The following MAP3K2 variants were observed in gnomAD, a reference collection of about 807,000 sequenced individuals.
The protein encoded by MAP3K2 is mitogen-activated protein kinase kinase kinase 2.
Under a neutral mutation model 80.3 loss-of-function variants are expected in MAP3K2, and 24 were observed. The observed-to-expected ratio is 0.30, with a 90% CI of 0.22 to 0.42. The LOEUF is 0.42. MAP3K2 is among the 10% of genes least tolerant of loss of function. MAP3K2 has a pLI of 1.00. For synonymous variants in MAP3K2, 244 were observed against 253.7 expected (o/e 0.96, Z 0.36); for missense variants, 608 against 750.1 (o/e 0.81, Z 2.21).
At chr2:127,388,022 G>A, upstream of MAP3K2, 4 of 983,346 alleles carry the variant, frequency 4.1e-6, no homozygotes, top group African/African-American at 5.3e-5. Context: ...TCGTGCGCGC[G>A]CACCCCTCCG....
chr2:127,330,375 A>C lies in MAP3K2; in HGVS notation c.378+17T>G, dbSNP rs370062214. 144 of 1,333,150 alleles carry C rather than the reference A, an allele frequency of 1.1e-4. No homozygotes were observed. The African/African-American group carries it at 2.0e-3, about 18-fold the overall frequency. The allele number at this position is 1,333,150 out of a possible 1,614,324, so 82.6% of individuals were successfully genotyped here. ...AAGTCCTATAATTCTTACTGAAAAA[A>C]ATATCCCAAATCATACCTGTGTACT... On this transcript the variant is annotated intron_variant, in intron 6 of 16. Coordinates refer to ENST00000682094, the MANE Select transcript of MAP3K2 (RefSeq NM_001371910.2).
chr2:127,370,675 T>C (rs543484994), intron 1 of MAP3K2, among the ~76,000 whole-genome samples: 16 of 152,306 alleles, frequency 1.1e-4, no homozygotes, highest in African/African-American at 3.6e-4. Flanking sequence ...ACACTAGCCA[T>C]AGAGCTCTAG....
At position 127,317,727 on chromosome 2, in the gene MAP3K2, G is replaced by A. The variant is rs776118544; in HGVS notation, c.1228C>T (p.Leu410=). ...ATTCGCTCATGTAGCAAGTTTTTCA[G>A]CAACTGAATTTCACACTCAAGTGCA... is the stretch of plus-strand genomic sequence containing the variant. ...VNALECEIQL[L]KNLLHERIVQ... Residue 410 remains leucine, a synonymous_variant, in exon 14 of 17, where the codon CTG becomes TTG. Transcript: ENST00000682094. 6.2e-7 allele frequency: 1 copy of A among 1,602,396 alleles called. No homozygotes were observed. The highest frequency in any genetic ancestry group is 2.2e-5 in the East Asian group (1 of 44,644).
At chr2:127,386,023 A>G (rs1158241068) in intron 1 of MAP3K2, among the ~76,000 whole-genome samples, 1 of 152,254 alleles carries the variant, frequency 6.6e-6, no homozygotes, top group Non-Finnish European at 1.5e-5. Context: ...ACCAAACAAC[A>G]AATCAATCTG....
intron 16 of MAP3K2, among the ~76,000 whole-genome samples, chr2:127,308,045 A>T (rs1237579786): frequency 6.6e-6 from 1 of 152,146 alleles, no homozygotes; most frequent in Non-Finnish European, 1.5e-5. Flanking sequence ...TATTCATCTT[A>T]TTATTTTTGT....
At chr2:127,378,520 A>T (rs144477645) in intron 1 of MAP3K2, among the ~76,000 whole-genome samples, 2 of 152,198 alleles carry the variant, frequency 1.3e-5, no homozygotes, top group African/African-American at 4.8e-5. Flanking sequence ...TTGTAACATA[A>T]TTTTTTATGA....
chr2:127,374,396 T>G (rs1687115971), intron 1 of MAP3K2, among the ~76,000 whole-genome samples: 1 of 152,186 alleles, frequency 6.6e-6, no homozygotes, highest in African/African-American at 2.4e-5. Flanking sequence ...CAAGCAGACC[T>G]ACAGGTTATG....
chr2:127,308,242 T>G (rs2104803398), intron 16 of MAP3K2, among the ~76,000 whole-genome samples: 1 of 152,316 alleles, frequency 6.6e-6, no homozygotes, highest in South Asian at 2.1e-4. Context: ...AAAGATTAAA[T>G]GAATTATAAG....
intron 1 of MAP3K2, among the ~76,000 whole-genome samples, chr2:127,358,524 GTTC>G (rs1686831447): frequency 6.6e-6 from 1 of 152,190 alleles, no homozygotes; most frequent in Admixed American, 6.5e-5. Flanking sequence ...GAAGCAAGGT[GTTC>G]TTAAGAAAGT....
rs1410439263 is a variant in MAP3K2, at chr2:127,305,265, T to C, written c.*2314A>G. On this transcript the variant is annotated 3_prime_UTR_variant, in exon 17 of 17. Coordinates refer to ENST00000682094, the MANE Select transcript of MAP3K2 (RefSeq NM_001371910.2). The stretch of plus-strand genomic sequence containing the variant: ...GTCAAGGACCATGATCTTGCTCAAG[T>C]AGAAAAGATGCCCTCATTCATAAAA... 3 of 152,490 alleles carry C rather than the reference T, an allele frequency of 2.0e-5. No individual in the cohort carries two copies. The highest frequency in any genetic ancestry group is 2.4e-5 in the African/African-American group (1 of 41,420). The allele number at this position is 152,490 out of a possible 1,614,324, so 9.4% of individuals were successfully genotyped here.
rs551228158 is a variant in MAP3K2, at chr2:127,350,218, A to G, written c.-65-7024T>C. Among the ~76,000 whole-genome samples, 34 of 152,256 alleles carry G rather than the reference A, an allele frequency of 2.2e-4. No homozygotes were observed. The South Asian group carries it at 7.0e-3, about 32-fold the overall frequency. On this transcript the variant is annotated intron_variant, in intron 1 of 16. Transcript: ENST00000682094. The stretch of plus-strand genomic sequence containing the variant: ...TTATGGGGACATGTCAGAAGGCCAC[A>G]GGCACAACTTGAAGGGGATTCCACT...
chr2:127,358,092 C>T (rs1360351037), intron 1 of MAP3K2, among the ~76,000 whole-genome samples: 6 of 152,032 alleles, frequency 3.9e-5, no homozygotes, highest in African/African-American at 1.4e-4. Context: ...ATATTTGTAT[C>T]CAGAATATCT....
rs34727603 is a variant in MAP3K2, at chr2:127,333,131, CAAAAAAA to C, written c.265-2633_265-2627del. 5.6e-5 allele frequency among the ~76,000 whole-genome samples: 6 copies of C among 107,284 alleles called. No homozygotes were observed. The East Asian group carries it at 2.0e-3, about 35-fold the overall frequency. The allele number at this position is 107,284 out of a possible 152,430, so 70.4% of individuals were successfully genotyped here. On this transcript the variant is annotated intron_variant, in intron 5 of 16. Transcript: ENST00000682094. ...TGGGTGACAGCGGGAGATGCTGTCT[CAAAAAAA>C]AAAAAAAAAAATTCCTGCTCTACTC...
intron 1 of MAP3K2, among the ~76,000 whole-genome samples, chr2:127,343,964 T>C (rs111301946): frequency 1.4e-4 from 21 of 152,098 alleles, no homozygotes; most frequent in African/African-American, 4.1e-4. Context: ...GAGGTTGCAG[T>C]GAGCTGTGGC....
chr2:127,322,138 G>A lies in MAP3K2; in HGVS notation c.953C>T (p.Thr318Ile). The A allele has an allele frequency of 6.2e-7, 1 of 1,613,780 alleles. No homozygotes were observed. The highest frequency in any genetic ancestry group is 8.5e-7 in the Non-Finnish European group (1 of 1,179,752). The change falls in exon 12 of 17, where the codon ACC becomes ATC. Residue 318 changes from threonine to isoleucine, a missense_variant. Coordinates refer to ENST00000682094, the MANE Select transcript of MAP3K2 (RefSeq NM_001371910.2). This position sits in a 1 kb window ranked among gnomAD's most constrained non-coding sequence, Gnocchi z 4.2. Reference protein sequence around the residue: ...LSTSSGSSIFTPEYDDSRIRR... With the variant: ...LSTSSGSSIFIPEYDDSRIRR... ...TATTCGACTATCATCATACTCTGGG[G>A]TAAAGATACTGCTTCCACTACTAGT...
chr2:127,338,257 C>T (rs13406313), intron 3 of MAP3K2, among the ~76,000 whole-genome samples: 13,649 of 152,114 alleles, frequency 0.09, 792 homozygotes, highest in African/African-American at 0.17. Flanking sequence ...AAATGAAATG[C>T]TACCTTATTT....
rs376224587 is a variant in MAP3K2, at chr2:127,307,587, A to G, written c.1852T>C (p.Tyr618His). 332 of 1,564,366 alleles carry G rather than the reference A, an allele frequency of 2.1e-4. No individual in the cohort carries two copies. Among genetic ancestry groups the G allele is most frequent in the Non-Finnish European group, 2.7e-4 (317 of 1,154,038 alleles). Residue 618 changes from tyrosine to histidine, a missense_variant, in exon 17 of 17, where the codon TAT (tyrosine) becomes CAT (histidine). Tyr to His is a moderately conservative substitution (Grantham distance 83). This residue lies in a region of MAP3K2 where 42 missense variants were observed against 53.7 expected (regional missense o/e 0.78). Transcript: ENST00000682094. This position sits in a 1 kb window ranked among gnomAD's most constrained non-coding sequence, Gnocchi z 5.4. Reference protein sequence around the residue: ...DELLRHMFVHYH With the variant: ...DELLRHMFVHHH Reference sequence around the variant, plus strand: ...GGAGAGGTTACTGGCTGCTAGTGATAATGCACAAACATGTGCCTTAAGAGT... The same window carrying G: ...GGAGAGGTTACTGGCTGCTAGTGATGATGCACAAACATGTGCCTTAAGAGT...
At chr2:127,323,264 G>T (rs1316010664) in intron 11 of MAP3K2, among the ~76,000 whole-genome samples, 1 of 151,976 alleles carries the variant, frequency 6.6e-6, no homozygotes. Context: ...TTAGCCAGGT[G>T]AGAATCGCTT....
chr2:127,312,791 C>T (rs1277536736), intron 15 of MAP3K2, among the ~76,000 whole-genome samples: 5 of 151,956 alleles, frequency 3.3e-5, no homozygotes, highest in Non-Finnish European at 5.9e-5. Context: ...GGAGAAACCC[C>T]GTCTCTACTA....
Sources: gnomAD v4.1 joint callset for allele counts (sites outside exome capture counted in the v4.1 genomes callset) on GRCh38, gnomAD v4.1.1 for gene constraint, gnomAD v4.1.1 regional missense constraint, Gnocchi (gnomAD v3.1) non-coding constraint, MANE v1.5 for transcripts, NCBI Gene and HGNC (gene_info 2026-07-23, HGNC 2026-07-21) for gene names.